PEX11G: variants seen among roughly 807,000 people sequenced by gnomAD.
PEX11G encodes the protein peroxisomal membrane protein 11C.
Under a neutral mutation model 22.5 loss-of-function variants are expected in PEX11G, and 20 were observed. The observed-to-expected ratio is 0.89, with a 90% CI of 0.62 to 1.29. PEX11G has a LOEUF of 1.29. Among genes scored for constraint, PEX11G ranks in the 50% most tolerant of loss-of-function variants. The pLI is 0.00. For missense variants in PEX11G, 347 were observed against 331.3 expected (o/e 1.05, Z -0.37); for synonymous variants, 141 against 154.5 (o/e 0.91, Z 0.65).
At chr19:7,489,530 A>G, upstream of PEX11G, 1 of 978,724 alleles carries the variant, frequency 1.0e-6, no homozygotes, top group Non-Finnish European at 1.2e-6. Context: ...ACATAAATAA[A>G]AAATAAAAAT....
At chr19:7,482,880 C>G (rs1977560970) in intron 2 of PEX11G, among the ~76,000 whole-genome samples, 1 of 152,242 alleles carries the variant, frequency 6.6e-6, no homozygotes, top group South Asian at 2.1e-4. Flanking sequence ...CAGGGATGGG[C>G]CTCCAGGCCC....
rs535659592 is a variant in PEX11G, at chr19:7,488,234, T to C, written c.60+717A>G. Among the ~76,000 whole-genome samples, 483 of 152,308 alleles carry C rather than the reference T, an allele frequency of 3.2e-3. 2 individuals carry two copies. The highest frequency in any genetic ancestry group is 5.6e-3 in the Non-Finnish European group (381 of 68,032). ...ACGATCTAAATGACCAACTGGGGTT[T>C]TGTTGGAACCCATCGCTGCTTAGGC... is the stretch of plus-strand genomic sequence containing the variant. On this transcript the variant is annotated intron_variant, in intron 1 of 4. Coordinates refer to ENST00000221480, the MANE Select transcript of PEX11G (RefSeq NM_080662.4).
At chr19:7,482,933 C>A (rs1277714926) in intron 2 of PEX11G, among the ~76,000 whole-genome samples, 1 of 152,236 alleles carries the variant, frequency 6.6e-6, no homozygotes, top group African/African-American at 2.4e-5. Context: ...CTGCACAGTG[C>A]CCATACCCTC....
At chr19:7,492,336 T>G (rs772657699), upstream of PEX11G, among the ~76,000 whole-genome samples, 1 of 152,200 alleles carries the variant, frequency 6.6e-6, no homozygotes, top group African/African-American at 2.4e-5. Context: ...GCAACATCCT[T>G]TTTTGATTAT....
At chr19:7,489,147 G>A, upstream of PEX11G, 1 of 1,198,196 alleles carries the variant, frequency 8.3e-7, no homozygotes, top group Non-Finnish European at 1.1e-6. Flanking sequence ...CTTTTTGTCC[G>A]CTGTAGGGGA....
rs1977523098 is a variant in PEX11G at position 7,482,160 on chromosome 19, G to C, written c.301C>G (p.Gln101Glu). 1 of 1,588,378 alleles carries C rather than the reference G, an allele frequency of 6.3e-7. No homozygotes were observed. The highest frequency in any genetic ancestry group is 1.8e-5 in the Admixed American group (1 of 56,312). Residue 101 changes from glutamine (Q) to glutamate (E), a missense_variant, in exon 3 of 5, where the codon CAG becomes GAG. Gln to Glu is a conservative substitution (Grantham distance 29, BLOSUM62 2). Transcript: ENST00000221480. ...ACGTGCTCACAGGGGTAGTAGAGCTGGTCAGCCAGGTTCCCTAGGACGGAG... is the reference window on the plus strand; with the variant it reads ...ACGTGCTCACAGGGGTAGTAGAGCTCGTCAGCCAGGTTCCCTAGGACGGAG... ...CVSVLGNLAD[Q>E]LYYPCEHVAW...
At chr19:7,493,496 CTTT>C (rs140054447), upstream of PEX11G, among the ~76,000 whole-genome samples, 1 of 146,240 alleles carries the variant, frequency 6.8e-6, no homozygotes, top group East Asian at 2.0e-4. Flanking sequence ...TGCCCAGCCT[CTTT>C]TTTTTTTCTT....
chr19:7,485,775 T>G (rs189927856), intron 2 of PEX11G, 63 bp downstream of exon 2: 26 of 1,449,744 alleles, frequency 1.8e-5, no homozygotes, highest in Non-Finnish European at 4.6e-6. Flanking sequence ...GGCCAAAAAA[T>G]TTTTTAAAAA....
chr19:7,488,928 G>A, intron 1 of PEX11G, 23 bp downstream of exon 1: 1 of 1,547,908 alleles, frequency 6.5e-7, no homozygotes, highest in Non-Finnish European at 8.7e-7. Flanking sequence ...AGGACCTCCG[G>A]CCCCGGTCCG....
upstream of PEX11G, chr19:7,491,263 ATTTTTTTTTTTTTTTTT>A (rs58509062): frequency 1.1e-5 from 1 of 87,756 alleles, no homozygotes. Flanking sequence ...CCACTTCTTG[ATTTTTTTTTTTTTTTTT>A]TTTTTTTGAG....
chr19:7,491,949 C>T (rs914654511), upstream of PEX11G, among the ~76,000 whole-genome samples: 5 of 152,206 alleles, frequency 3.3e-5, no homozygotes, highest in African/African-American at 7.2e-5. Context: ...TGAGCCACTG[C>T]GTGCAGCTGA....
chr19:7,477,047 C>A lies in PEX11G; in HGVS notation c.*155G>T. ...CGGCTCAGGAGCTCCAGGCTGAGGC[C>A]TGGGGGACCTCGCATCAGTCCCTCC... On this transcript the variant is annotated 3_prime_UTR_variant, in exon 5 of 5. Transcript: ENST00000221480. 4 of 618,508 alleles carry A rather than the reference C, an allele frequency of 6.5e-6. No homozygotes were observed. Among genetic ancestry groups the A allele is most frequent in the Non-Finnish European group, 9.8e-6 (4 of 407,352 alleles). 38.3% of individuals were successfully genotyped at this position (618,508 alleles called of 1,614,324 possible). A position where few individuals can be genotyped will look rare whatever the true frequency, so the allele number is the denominator to read the frequency against.
intron 3 of PEX11G, 117 bp downstream of exon 3, chr19:7,481,916 A>G: frequency 9.7e-7 from 1 of 1,034,204 alleles, no homozygotes; most frequent in Non-Finnish European, 1.3e-6. Context: ...GGAAAACTCT[A>G]AGAGGCAAAG....
intron 4 of PEX11G, 21 bp from the exon 5 acceptor site, chr19:7,477,457 G>A (rs767441106): frequency 7.8e-6 from 11 of 1,406,694 alleles, no homozygotes; most frequent in African/African-American, 4.5e-5. Context: ...GAGAGGGGCC[G>A]CTTACACTCA....
At chr19:7,484,247 C>T (rs888029535) in intron 2 of PEX11G, among the ~76,000 whole-genome samples, 4 of 151,782 alleles carry the variant, frequency 2.6e-5, no homozygotes, top group Admixed American at 6.6e-5. Flanking sequence ...CCAGCTATTC[C>T]GGAGGCTGAG....
At chr19:7,494,673 C>T (rs908800193) in intron 1 of PEX11G, among the ~76,000 whole-genome samples, 1 of 152,144 alleles carries the variant, frequency 6.6e-6, no homozygotes, top group Admixed American at 6.6e-5. Context: ...CAGGAGCTGG[C>T]CTGGTGTTCA....
At chr19:7,490,446 G>A (rs1327202676), upstream of PEX11G, among the ~76,000 whole-genome samples, 1 of 149,684 alleles carries the variant, frequency 6.7e-6, no homozygotes, top group Non-Finnish European at 1.5e-5. Context: ...TCAGCCTCCC[G>A]AGTAGCTGGC....
chr19:7,489,603 G>T, upstream of PEX11G: 1 of 747,190 alleles, frequency 1.3e-6, no homozygotes, highest in Non-Finnish European at 1.6e-6. Context: ...GCTAGTTTCG[G>T]GGTATTTTTA....
At chr19:7,481,974 T>C (rs2145961407) in intron 3 of PEX11G, 59 bp downstream of exon 3, 3 of 1,449,894 alleles carry the variant, frequency 2.1e-6, no homozygotes, top group Non-Finnish European at 2.7e-6. Flanking sequence ...CGCTGCCACT[T>C]TGCTAAGGAG....
Sources: gnomAD v4.1 joint callset for allele counts (sites outside exome capture counted in the v4.1 genomes callset) on GRCh38, gnomAD v4.1.1 for gene constraint, MANE v1.5 for transcripts, NCBI Gene and HGNC (gene_info 2026-07-23, HGNC 2026-07-21) for gene names.